Variants in NKAIN2 observed in about 807,000 individuals in gnomAD.
NKAIN2 encodes sodium/potassium-transporting ATPase subunit beta-1-interacting protein 2.
NKAIN2 carries 14 observed loss-of-function variants against 32.6 expected under a neutral mutation model. The observed-to-expected ratio is 0.43, with a 90% confidence interval of 0.28 to 0.67. The LOEUF is 0.67. Ranked by LOEUF, NKAIN2 falls within the 30% of genes least tolerant of loss-of-function variation. The pLI is 0.17. For synonymous variants in NKAIN2, 80 were observed against 87.2 expected (o/e 0.92, Z 0.46); for missense variants, 198 against 258.3 (o/e 0.77, Z 1.60).
intron 1 of NKAIN2, among the ~76,000 whole-genome samples, chr6:124,266,288 A>G (rs1794490767): frequency 6.6e-6 from 1 of 152,064 alleles, no homozygotes; most frequent in Non-Finnish European, 1.5e-5. Context: ...GGCTTCTCAC[A>G]TTATTTAACC....
At chr6:124,449,485 G>A (rs1358528992) in intron 3 of NKAIN2, among the ~76,000 whole-genome samples, 1 of 152,020 alleles carries the variant, frequency 6.6e-6, no homozygotes, top group African/African-American at 2.4e-5. Flanking sequence ...AGAGGTAAGT[G>A]ACAAACCTAC....
chr6:123,872,767 G>A (rs989601609), intron 1 of NKAIN2, among the ~76,000 whole-genome samples: 1 of 151,996 alleles, frequency 6.6e-6, no homozygotes. Flanking sequence ...TAGATTATGG[G>A]GAATAAAACA....
At chr6:123,935,162 T>C (rs1009632979) in intron 1 of NKAIN2, among the ~76,000 whole-genome samples, 21 of 147,628 alleles carry the variant, frequency 1.4e-4, no homozygotes, top group African/African-American at 4.9e-4. Context: ...TAAATACATA[T>C]ATTTAAAAAT....
At chr6:124,599,504 A>G (rs1326724196) in intron 3 of NKAIN2, among the ~76,000 whole-genome samples, 1 of 152,152 alleles carries the variant, frequency 6.6e-6, no homozygotes, top group East Asian at 1.9e-4. Flanking sequence ...TGAAGCTCCA[A>G]ATAGAAGGTA....
chr6:124,650,470 A>G lies in NKAIN2; in HGVS notation c.274-7716A>G, dbSNP rs183968119. ...TTTTGTGCTGCTGTAACAAAATACT[A>G]CAGACTAAGTAATATATAATTTTAT... On this transcript the variant is annotated intron_variant, in intron 3 of 6. Coordinates refer to ENST00000368417, the MANE Select transcript of NKAIN2 (RefSeq NM_001040214.3). 4.0e-4 allele frequency among the ~76,000 whole-genome samples: 61 copies of G among 152,342 alleles called. No homozygotes were observed. The East Asian group carries it at 0.01, about 26-fold the overall frequency.
chr6:124,428,288 G>A (rs866288285), intron 3 of NKAIN2, among the ~76,000 whole-genome samples: 2 of 151,820 alleles, frequency 1.3e-5, no homozygotes, highest in Non-Finnish European at 1.5e-5. Flanking sequence ...AAATACCACC[G>A]AAGAGCTGGA....
intron 1 of NKAIN2, among the ~76,000 whole-genome samples, chr6:124,157,735 A>G (rs1788063519): frequency 6.6e-6 from 1 of 152,228 alleles, no homozygotes; most frequent in Admixed American, 6.5e-5. Flanking sequence ...ACAAGCTAAA[A>G]GGATTGTCAT....
intron 3 of NKAIN2, chr6:124,490,407 T>C (rs780948367): frequency 3.5e-5 from 13 of 369,574 alleles, no homozygotes; most frequent in Non-Finnish European, 5.0e-6. Context: ...TATAGAATCA[T>C]AGAGGTTTTT....
At chr6:124,404,167 C>T (rs1773745040) in intron 3 of NKAIN2, among the ~76,000 whole-genome samples, 1 of 152,090 alleles carries the variant, frequency 6.6e-6, no homozygotes, top group Non-Finnish European at 1.5e-5. Context: ...AAGTCTGTTG[C>T]TTGCCTGGGG....
intron 2 of NKAIN2, among the ~76,000 whole-genome samples, chr6:124,293,711 A>G (rs1408800023): frequency 6.6e-6 from 1 of 151,962 alleles, no homozygotes; most frequent in African/African-American, 2.4e-5. Context: ...TTCAAATTCT[A>G]TTGCTCTTTT....
intron 3 of NKAIN2, among the ~76,000 whole-genome samples, chr6:124,398,462 AG>A (rs1773491455): frequency 6.6e-6 from 1 of 152,022 alleles, no homozygotes; most frequent in Non-Finnish European, 1.5e-5. Flanking sequence ...GGTTTTGCAG[AG>A]GTGAGAATGA....
intron 1 of NKAIN2, among the ~76,000 whole-genome samples, chr6:124,212,078 A>AATAAACAT (rs1791208512): frequency 6.6e-6 from 1 of 152,116 alleles, no homozygotes; most frequent in African/African-American, 2.4e-5. Context: ...AAATATGAAA[A>AATAAACAT]ATAAACATGG....
chr6:124,066,256 C>T (rs1783169476), intron 1 of NKAIN2, among the ~76,000 whole-genome samples: 2 of 152,078 alleles, frequency 1.3e-5, no homozygotes, highest in Admixed American at 6.6e-5. Context: ...TTTTCTTTTT[C>T]CAAATTATAG....
chr6:124,745,740 C>T (rs910075129), intron 4 of NKAIN2, among the ~76,000 whole-genome samples: 2 of 151,808 alleles, frequency 1.3e-5, no homozygotes, highest in African/African-American at 2.4e-5. Flanking sequence ...TCTGTGTATT[C>T]TTTAGACATC....
intron 2 of NKAIN2, among the ~76,000 whole-genome samples, chr6:124,308,238 G>T (rs979585189): frequency 6.6e-6 from 1 of 151,582 alleles, no homozygotes; most frequent in South Asian, 2.1e-4. Flanking sequence ...GAGAACATGC[G>T]GAGTTTAGTT....
At chr6:124,353,604 A>T (rs1012240845) in intron 2 of NKAIN2, among the ~76,000 whole-genome samples, 4 of 152,098 alleles carry the variant, frequency 2.6e-5, no homozygotes, top group Non-Finnish European at 5.9e-5. Context: ...AATACAAAAA[A>T]ATTAGCCGGG....
intron 3 of NKAIN2, among the ~76,000 whole-genome samples, chr6:124,613,509 A>T (rs1782770612): frequency 6.6e-6 from 1 of 152,200 alleles, no homozygotes. Context: ...TGCCAGTGTG[A>T]CTATTCTAAT....
intron 3 of NKAIN2, among the ~76,000 whole-genome samples, chr6:124,551,567 A>G (rs1045862492): frequency 6.6e-6 from 1 of 152,190 alleles, no homozygotes; most frequent in African/African-American, 2.4e-5. Context: ...TAAGCAGTTA[A>G]GCAAGCAAAA....
At chr6:124,261,238 C>T (rs894478450) in intron 1 of NKAIN2, among the ~76,000 whole-genome samples, 24 of 152,054 alleles carry the variant, frequency 1.6e-4, no homozygotes, top group African/African-American at 4.6e-4. Context: ...ACTTTTCTTT[C>T]GTTCCTTGTT....
Sources: allele counts gnomAD v4.1 joint callset (sites outside exome capture counted in the v4.1 genomes callset), GRCh38; gene constraint gnomAD v4.1.1; transcripts MANE v1.5; gene names NCBI Gene and HGNC (gene_info 2026-07-23, HGNC 2026-07-21).